The following RNF123 variants were observed in gnomAD, a reference collection of about 807,000 sequenced individuals.
RNF123 encodes the protein E3 ubiquitin-protein ligase RNF123.
RNF123 carries 86 observed loss-of-function variants against 168.5 expected under a neutral mutation model. That is an observed-to-expected ratio of 0.51 (90% confidence interval 0.43 to 0.61). The LOEUF (loss-of-function observed/expected upper bound fraction) is 0.61. Ranked by LOEUF, RNF123 falls within the 20% of genes least tolerant of loss-of-function variation. The pLI is 0.00. For missense variants in RNF123, 1,419 were observed against 1,729.7 expected (o/e 0.82, Z 3.19); for synonymous variants, 666 against 689.1 (o/e 0.97, Z 0.52).
chr3:49,719,947 A>ACTT (rs1157891520), intron 35 of RNF123: 1 of 168,058 alleles, frequency 6.0e-6, no homozygotes, highest in Non-Finnish European at 1.3e-5. Flanking sequence ...ATTTGAAGTG[A>ACTT]CTTTGAAGGA....
chr3:49,720,943 A>G, intron 37 of RNF123, 49 bp downstream of exon 37: 3 of 1,606,886 alleles, frequency 1.9e-6, no homozygotes, highest in Non-Finnish European at 2.6e-6. Flanking sequence ...ATATGTGTGC[A>G]CTCCTACACA....
Position 49,705,097 on chromosome 3 carries a change from C to T in RNF123, c.2073C>T (p.Ser691=). The T allele has an allele frequency of 6.2e-7, 1 of 1,611,552 alleles. No individual in the cohort carries two copies. The highest frequency in any genetic ancestry group is 8.5e-7 in the Non-Finnish European group (1 of 1,178,936). The change falls in exon 23 of 39, where the codon AGC becomes AGT. Residue 691 remains serine (S), a synonymous_variant. Coordinates refer to ENST00000327697, the MANE Select transcript of RNF123 (RefSeq NM_022064.5). ...ANRFLSTAAV[S]LMTPRRPLST... is the part of the protein sequence containing the mutation. ...GCTTCCTCAGCACAGCGGCTGTGAG[C>T]CTCATGACCCCACGGCGGCCTCTGA...
intron 35 of RNF123, chr3:49,719,170 G>T: frequency 6.2e-7 from 1 of 1,613,526 alleles, no homozygotes; most frequent in Non-Finnish European, 8.5e-7. Flanking sequence ...GCGACCCAGC[G>T]CATCTAGTTC....
chr3:49,709,691 G>A (rs1443891967), intron 26 of RNF123, among the ~76,000 whole-genome samples: 7 of 151,908 alleles, frequency 4.6e-5, no homozygotes, highest in Non-Finnish European at 7.4e-5. Flanking sequence ...CGCCCGCCTC[G>A]GCCTCCCAAA....
intron 7 of RNF123, 149 bp downstream of exon 7, chr3:49,698,286 C>G: frequency 1.1e-6 from 1 of 917,936 alleles, no homozygotes; most frequent in Non-Finnish European, 1.7e-6. Context: ...CCACCCAATC[C>G]CAGGCACCCC....
At position 49,698,110 on chromosome 3, in the gene RNF123, C is replaced by A. The variant is rs769491293; in HGVS notation, c.456C>A (p.Cys152Ter). The change falls in exon 7 of 39, where the codon TGC (cysteine) becomes TGA (stop). Residue 152 changes from cysteine to a stop codon, truncating the protein, a stop_gained. Coordinates refer to ENST00000327697, the MANE Select transcript of RNF123 (RefSeq NM_022064.5). LOFTEE classifies it high-confidence loss of function. Reference protein sequence around the residue: ...SSQGLMQIGWCTISCRFNQEE... With the variant: ...SSQGLMQIGW ...AGGGGCTCATGCAGATCGGCTGGTG[C>A]ACCATCAGCTGCCGCTTCAACCAGG... is the stretch of plus-strand genomic sequence containing the variant. 6.2e-7 allele frequency: 1 copy of A among 1,613,680 alleles called. No homozygotes were observed. Among genetic ancestry groups the A allele is most frequent in the African/African-American group, 1.3e-5 (1 of 74,994 alleles).
At chr3:49,712,100 C>G (rs1467725642) in intron 26 of RNF123, among the ~76,000 whole-genome samples, 1 of 152,060 alleles carries the variant, frequency 6.6e-6, no homozygotes, top group Non-Finnish European at 1.5e-5. Context: ...TATCACATAC[C>G]TGTAGTCCCA....
At chr3:49,693,358 T>C (rs1434198752) in intron 3 of RNF123, among the ~76,000 whole-genome samples, 1 of 136,134 alleles carries the variant, frequency 7.3e-6, no homozygotes, top group East Asian at 2.1e-4. Context: ...TTTTTTTTTT[T>C]TTTTTTTTTT....
Position 49,698,357 on chromosome 3 carries a change from A to G in RNF123, c.484-83A>G, listed in dbSNP as rs1310992935. The stretch of plus-strand genomic sequence containing the variant: ...CATCTGTTCCCTTCTGTAGAGCCAT[A>G]TGCATCCAAGGCTGGTGATTGGTGG... On this transcript the variant is annotated intron_variant, in intron 7 of 38. Coordinates refer to ENST00000327697, the MANE Select transcript of RNF123 (RefSeq NM_022064.5). 4 of 1,165,524 alleles carry G rather than the reference A, an allele frequency of 3.4e-6. No homozygotes were observed. In the East Asian group the frequency reaches 9.4e-5, roughly 27 times the overall value. The allele number at this position is 1,165,524 out of a possible 1,614,324, so 72.2% of individuals were successfully genotyped here.
In RNF123 at chr3:49,701,911, G is replaced by A; in HGVS notation, c.1495+1G>A. Reference sequence around the variant, plus strand: ...CAGCGGCTCAGGAAGCGCATCGAAGGTCAGCCCGCCTTGGGCACGGGGTAG... The same window carrying A: ...CAGCGGCTCAGGAAGCGCATCGAAGATCAGCCCGCCTTGGGCACGGGGTAG... On this transcript the variant is annotated splice_donor_variant, in intron 17 of 38. Transcript: ENST00000327697. LOFTEE classifies it high-confidence loss of function. The A allele has an allele frequency of 1.3e-6, 2 of 1,559,944 alleles. No homozygotes were observed. Among genetic ancestry groups the A allele is most frequent in the Non-Finnish European group, 1.7e-6 (2 of 1,151,536 alleles).
rs1385748364 is a variant in RNF123 at position 49,698,040 on chromosome 3, A to G, written c.398-12A>G. On this transcript the variant is annotated splice_polypyrimidine_tract_variant and intron_variant, in intron 6 of 38. Transcript: ENST00000327697. ...TTTGTCCACCTCGTGGCCCTAACTC[A>G]GCTCTTTCCAGGGAAATGGCTCTAC... is the stretch of plus-strand genomic sequence containing the variant. 2 of 1,613,862 alleles carry G rather than the reference A, an allele frequency of 1.2e-6. No homozygotes were observed. Among genetic ancestry groups the G allele is most frequent in the African/African-American group, 2.7e-5 (2 of 74,902 alleles).
chr3:49,718,003 G>C, intron 35 of RNF123: 2 of 1,613,652 alleles, frequency 1.2e-6, no homozygotes, highest in Non-Finnish European at 1.7e-6. Flanking sequence ...CTCAGAGCCA[G>C]CCTTCAGCTG....
chr3:49,693,218 T>G (rs1306619754), intron 3 of RNF123, among the ~76,000 whole-genome samples: 1 of 151,838 alleles, frequency 6.6e-6, no homozygotes, highest in Non-Finnish European at 1.5e-5. Flanking sequence ...CCAGCTAATT[T>G]TTTGCATTTT....
In RNF123 at chr3:49,698,422, T is replaced by C. The variant is rs766540112; in HGVS notation, c.484-18T>C. The C allele has an allele frequency of 1.9e-6, 3 of 1,610,494 alleles. No individual in the cohort carries two copies. The highest frequency in any genetic ancestry group is 1.3e-5 in the African/African-American group (1 of 74,996). On this transcript the variant is annotated intron_variant, in intron 7 of 38. Coordinates refer to ENST00000327697, the MANE Select transcript of RNF123 (RefSeq NM_022064.5). ...CCTGCCTGCCTCACCAGGGACCTCATAGGCATTTCCTCCCTAGGAGGGGGT... is the reference window on the plus strand; with the variant it reads ...CCTGCCTGCCTCACCAGGGACCTCACAGGCATTTCCTCCCTAGGAGGGGGT...
rs761414101 is a variant in RNF123, at chr3:49,703,929, G to A, written c.1852+401G>A. On this transcript the variant is annotated intron_variant, in intron 21 of 38. Transcript: ENST00000327697. ...TCTCTCTGGCTGCCGCAGTGTATACGCCGGAGTGCAGGGGCTGAGAGACAG... is the reference window on the plus strand; with the variant it reads ...TCTCTCTGGCTGCCGCAGTGTATACACCGGAGTGCAGGGGCTGAGAGACAG... Among the ~76,000 whole-genome samples the A allele has an allele frequency of 4.6e-5, 7 of 152,304 alleles. No homozygotes were observed. The South Asian group carries it at 8.3e-4, about 18-fold the overall frequency.
Position 49,691,495 on chromosome 3 carries a change from A to G in RNF123, c.153A>G (p.Pro51=), listed in dbSNP as rs2054165763. The G allele has an allele frequency of 6.2e-7, 1 of 1,614,094 alleles. No homozygotes were observed. Among genetic ancestry groups the G allele is most frequent in the Non-Finnish European group, 8.5e-7 (1 of 1,179,996 alleles). ...RIFSSSEHAP[P]AATSRKPLNF... ...TTTCCTCTTCTGAACATGCACCCCC[A>G]GCAGCCACCAGCAGGTATGGCTGGG... Residue 51 remains proline, a synonymous_variant, in exon 3 of 39, where the codon CCA becomes CCG. Transcript: ENST00000327697.
chr3:49,698,318 T>C, intron 7 of RNF123, 122 bp from the exon 8 acceptor site: 2 of 969,878 alleles, frequency 2.1e-6, no homozygotes, highest in Middle Eastern at 3.1e-4. Flanking sequence ...TACCTCTTAC[T>C]CTTTCCCTCA....
At chr3:49,717,790 A>G (rs2108202748) in intron 35 of RNF123, 1 of 773,454 alleles carries the variant, frequency 1.3e-6, no homozygotes, top group East Asian at 2.7e-5. Flanking sequence ...CCCTGTCTCT[A>G]CCAGTGAGCG....
intron 35 of RNF123, chr3:49,718,064 CG>C (rs774832316): frequency 5.0e-6 from 8 of 1,613,662 alleles, no homozygotes; most frequent in Middle Eastern, 1.6e-4. Flanking sequence ...GCCAGCTGCA[CG>C]CGGCCATTGA....
Sources: gnomAD v4.1 joint callset for allele counts (sites outside exome capture counted in the v4.1 genomes callset) on GRCh38, gnomAD v4.1.1 for gene constraint, MANE v1.5 for transcripts, NCBI Gene and HGNC (gene_info 2026-07-23, HGNC 2026-07-21) for gene names.